The following RNF20 variants were observed in gnomAD, a reference collection of about 807,000 sequenced individuals.
The protein encoded by RNF20 is E3 ubiquitin-protein ligase BRE1A.
Under a neutral mutation model 126.2 loss-of-function variants are expected in RNF20, and 84 were observed. The ratio of observed to expected loss-of-function variants is 0.67; its 90% CI spans 0.56 to 0.80. The LOEUF (loss-of-function observed/expected upper bound fraction) is 0.80. Ranked by LOEUF, RNF20 falls within the 30% of genes least tolerant of loss-of-function variation. The pLI, the probability that RNF20 is intolerant of heterozygous loss-of-function variation, is 0.00. For missense variants in RNF20, 869 were observed against 1,188.2 expected (o/e 0.73, Z 3.95); for synonymous variants, 400 against 414.3 (o/e 0.97, Z 0.42).
At chr9:101,549,273 G>A (rs1352242193) in intron 9 of RNF20, among the ~76,000 whole-genome samples, 4 of 152,206 alleles carry the variant, frequency 2.6e-5, no homozygotes, top group African/African-American at 9.6e-5. Context: ...GTAAGGTCAC[G>A]TGGGTCACAT....
intron 10 of RNF20, 54 bp from the exon 11 acceptor site, chr9:101,551,618 TAGAATATGATGA>T: frequency 9.3e-6 from 13 of 1,394,790 alleles, no homozygotes; most frequent in East Asian, 2.4e-5. Flanking sequence ...GAGTAATCCA[TAGAATATGATGA>T]TATTTCTACA....
At position 101,563,156 on chromosome 9, in the gene RNF20, C is replaced by T. The variant is rs899112283; in HGVS notation, c.*734C>T. 1.3e-5 allele frequency: 2 copies of T among 152,568 alleles called. No individual in the cohort carries two copies. Among genetic ancestry groups the T allele is most frequent in the African/African-American group, 4.8e-5 (2 of 41,424 alleles). 9.5% of individuals were successfully genotyped at this position (152,568 alleles called of 1,614,324 possible). On this transcript the variant is annotated 3_prime_UTR_variant, in exon 20 of 20. Transcript: ENST00000389120. ...AAAGATTGAAGAGGTTGAGTCAGGA[C>T]TGAGCTGGTGAAGAAATCTTGTGGG...
intron 16 of RNF20, 23 bp downstream of exon 16, chr9:101,557,619 T>C: frequency 1.9e-6 from 3 of 1,544,956 alleles, no homozygotes; most frequent in Non-Finnish European, 2.7e-6. Flanking sequence ...AGTAGAGCTT[T>C]CTATTCTGTT....
intron 16 of RNF20, 87 bp from the exon 17 acceptor site, chr9:101,560,714 A>G: frequency 7.6e-7 from 1 of 1,314,412 alleles, no homozygotes; most frequent in Non-Finnish European, 1.0e-6. Flanking sequence ...AACATACTGT[A>G]TTTTGTGGGC....
In RNF20 at chr9:101,560,908, A is replaced by C; in HGVS notation, c.2490A>C (p.Leu830Phe). Reference sequence around the variant, plus strand: ...AGCTGGGTCTTAGGACCCAAGCCTTAGAGATGAATAAACGCAAGGTATGAT... The same window carrying C: ...AGCTGGGTCTTAGGACCCAAGCCTTCGAGATGAATAAACGCAAGGTATGAT... ...EKELGLRTQA[L>F]EMNKRKAMEA... Residue 830 changes from leucine to phenylalanine, a missense_variant, in exon 17 of 20, where the codon TTA becomes TTC. Coordinates refer to ENST00000389120, the MANE Select transcript of RNF20 (RefSeq NM_019592.7). 6.2e-7 allele frequency: 1 copy of C among 1,612,124 alleles called. No individual in the cohort carries two copies. The highest frequency in any genetic ancestry group is 8.5e-7 in the Non-Finnish European group (1 of 1,179,302).
In RNF20 at chr9:101,547,531, C is replaced by CAGTCACAGTTCT. The variant is rs1827372151; in HGVS notation, c.1092+13_1092+14insAGTCACAGTTCT. Reference sequence around the variant, plus strand: ...TGAAAAGCTGAAGGTAGGAACGCATCCCTGAAGGGCAGTAAAATCAGACGT... The same window carrying CAGTCACAGTTCT: ...TGAAAAGCTGAAGGTAGGAACGCATCAGTCACAGTTCTCCTGAAGGGCAGTAAAATCAGACGT... On this transcript the variant is annotated intron_variant, in intron 9 of 19. Coordinates refer to ENST00000389120, the MANE Select transcript of RNF20 (RefSeq NM_019592.7). 1 of 1,613,386 alleles carries CAGTCACAGTTCT rather than the reference C, an allele frequency of 6.2e-7. No individual in the cohort carries two copies. Among genetic ancestry groups the CAGTCACAGTTCT allele is most frequent in the African/African-American group, 1.3e-5 (1 of 74,880 alleles).
At chr9:101,556,757 A>C (rs940733350) in intron 15 of RNF20, among the ~76,000 whole-genome samples, 1 of 152,210 alleles carries the variant, frequency 6.6e-6, no homozygotes, top group Non-Finnish European at 1.5e-5. Context: ...AATGACAAAA[A>C]GTAAAAAATA....
intron 2 of RNF20, among the ~76,000 whole-genome samples, chr9:101,537,436 A>G (rs1827201104): frequency 6.6e-6 from 1 of 152,124 alleles, no homozygotes; most frequent in Admixed American, 6.5e-5. Context: ...TGGGACATAT[A>G]AGTTTGAGAT....
rs1827490934 is a variant in RNF20, at chr9:101,554,091, A to T, written c.2005A>T (p.Lys669Ter). Residue 669 changes from lysine (K) to a stop codon, truncating the protein, a stop_gained, in exon 14 of 20, where the codon AAG becomes TAG. Transcript: ENST00000389120. LOFTEE classifies it high-confidence loss of function. ...DKVQLMAAEK[K>*]SKAELEDLRQ... ...AGTTCAGCTGATGGCAGCTGAGAAG[A>T]AGTCTAAGGCAGAGGTATTCTAGTC... 1 of 1,602,142 alleles carries T rather than the reference A, an allele frequency of 6.2e-7. No homozygotes were observed. The highest frequency in any genetic ancestry group is 8.6e-7 in the Non-Finnish European group (1 of 1,169,278).
At chr9:101,547,602 T>C in intron 9 of RNF20, 84 bp downstream of exon 9, 3 of 1,465,822 alleles carry the variant, frequency 2.0e-6, no homozygotes. Flanking sequence ...ATCTGCGTAT[T>C]CATGAGGGAT....
chr9:101,556,528 A>T (rs17188758), intron 15 of RNF20, among the ~76,000 whole-genome samples: 14,182 of 152,236 alleles, frequency 0.093, 714 homozygotes, highest in Middle Eastern at 0.14. Flanking sequence ...ATACACTAGG[A>T]TGATTTCCAA....
At chr9:101,547,096 C>T in intron 7 of RNF20, 41 bp from the exon 8 acceptor site, 2 of 1,606,962 alleles carry the variant, frequency 1.2e-6, no homozygotes, top group Non-Finnish European at 1.7e-6. Context: ...AGACTGAAAT[C>T]TTAAGAGTCT....
intron 2 of RNF20, among the ~76,000 whole-genome samples, chr9:101,536,990 G>A (rs1827195420): frequency 6.6e-6 from 1 of 152,150 alleles, no homozygotes; most frequent in African/African-American, 2.4e-5. Context: ...ACTGATCCCC[G>A]CTCCAATTGG....
intron 5 of RNF20, among the ~76,000 whole-genome samples, chr9:101,543,268 C>A (rs563986790): frequency 6.6e-6 from 1 of 151,076 alleles, no homozygotes; most frequent in Non-Finnish European, 1.5e-5. Flanking sequence ...CACTGTCTAA[C>A]CTGCCACGGC....
intron 16 of RNF20, 94 bp from the exon 17 acceptor site, chr9:101,560,707 A>G (rs1328983583): frequency 7.3e-5 from 90 of 1,230,990 alleles, no homozygotes; most frequent in Non-Finnish European, 3.4e-5. Context: ...GATTTCTAAC[A>G]TACTGTATTT....
At position 101,539,009 on chromosome 9, in the gene RNF20, G is replaced by T. The variant is rs13296417; in HGVS notation, c.130-1194G>T. Among the ~76,000 whole-genome samples, 121 of 152,250 alleles carry T rather than the reference G, an allele frequency of 7.9e-4. 1 individual carries two copies. Among genetic ancestry groups the T allele is most frequent in the Non-Finnish European group, 1.3e-3 (91 of 68,028 alleles). The stretch of plus-strand genomic sequence containing the variant: ...TAGAGACAGAAGAGAACAGGATCCT[G>T]AGCACAAGCTGAGGTTTTAAGAATG... On this transcript the variant is annotated intron_variant, in intron 2 of 19. Transcript: ENST00000389120.
chr9:101,559,613 G>A (rs1035297348), intron 16 of RNF20, among the ~76,000 whole-genome samples: 16 of 151,966 alleles, frequency 1.1e-4, no homozygotes, highest in African/African-American at 3.6e-4. Flanking sequence ...GGTCTTTCAC[G>A]TTCTTGGTTA....
At chr9:101,555,266 T>A (rs896693229) in intron 15 of RNF20, among the ~76,000 whole-genome samples, 1 of 151,872 alleles carries the variant, frequency 6.6e-6, no homozygotes, top group Non-Finnish European at 1.5e-5. Context: ...TATATTTCTA[T>A]GTAGTACATA....
At position 101,535,516 on chromosome 9, in the gene RNF20, A is replaced by G. The variant is rs752375536; in HGVS notation, c.93A>G (p.Thr31=). 6.2e-7 allele frequency: 1 copy of G among 1,613,780 alleles called. No homozygotes were observed. The highest frequency in any genetic ancestry group is 1.3e-5 in the African/African-American group (1 of 75,038). ...KKAAVEDSGT[T]VETIKLGGVS... is the part of the protein sequence containing the mutation. ...CAGCTGTTGAAGATTCAGGGACCAC[A>G]GTGGAAACAATTAAGCTAGGAGGTG... The change falls in exon 2 of 20, where the codon ACA becomes ACG. Residue 31 remains threonine, a synonymous_variant. Coordinates refer to ENST00000389120, the MANE Select transcript of RNF20 (RefSeq NM_019592.7).
Sources: gnomAD v4.1 joint callset for allele counts (sites outside exome capture counted in the v4.1 genomes callset) on GRCh38, gnomAD v4.1.1 for gene constraint, MANE v1.5 for transcripts, NCBI Gene and HGNC (gene_info 2026-07-23, HGNC 2026-07-21) for gene names.